PIANP: variants seen among roughly 807,000 people sequenced by gnomAD.
The protein encoded by PIANP is PILR alpha-associated neural protein.
Under a neutral mutation model 28.9 loss-of-function variants are expected in PIANP, and 14 were observed. The observed-to-expected ratio is 0.49, with a 90% CI of 0.32 to 0.76. PIANP has a LOEUF of 0.76. Ranked by LOEUF, PIANP falls within the 30% of genes least tolerant of loss-of-function variation. The pLI is 0.03. For missense variants in PIANP, 322 were observed against 371.8 expected (o/e 0.87, Z 1.10); for synonymous variants, 149 against 156.6 (o/e 0.95, Z 0.36).
chr12:6,694,800 A>G lies in PIANP; in HGVS notation c.*626T>C. On this transcript the variant is annotated 3_prime_UTR_variant, in exon 5 of 5. Coordinates refer to ENST00000534837, the MANE Select transcript of PIANP (RefSeq NM_001244014.2). The surrounding 1 kb of genome is among the most constrained non-coding windows in gnomAD (Gnocchi z 6.1). ...GGTGAGTGTGCAAGGCTTTCATGTG[A>G]GTGCACAAGGGTGGGGACAGGGACC... 2.0e-6 allele frequency: 1 copy of G among 494,138 alleles called. No individual in the cohort carries two copies. The highest frequency in any genetic ancestry group is 3.6e-6 in the Non-Finnish European group (1 of 275,994). 30.6% of individuals were successfully genotyped at this position (494,138 alleles called of 1,614,324 possible). A position where few individuals can be genotyped will look rare whatever the true frequency, so the allele number is the denominator to read the frequency against.
chr12:6,695,726 C>T lies in PIANP; in HGVS notation c.606-75G>A. 3.6e-6 allele frequency: 5 copies of T among 1,372,966 alleles called. No individual in the cohort carries two copies. Among genetic ancestry groups the T allele is most frequent in the Non-Finnish European group, 4.7e-6 (5 of 1,056,942 alleles). 85.0% of individuals were successfully genotyped at this position (1,372,966 alleles called of 1,614,324 possible). On this transcript the variant is annotated intron_variant, in intron 4 of 4. Transcript: ENST00000534837. This position sits in a 1 kb window ranked among gnomAD's most constrained non-coding sequence, Gnocchi z 4.2. ...ATCCTGGGCCTGCACCAGTGGTCAC[C>T]CCCAGCCTCGCCCAGTCACTCCCAA...
At chr12:6,698,550 C>T (rs760371403) in intron 1 of PIANP, 2 of 167,546 alleles carry the variant, frequency 1.2e-5, no homozygotes, top group Admixed American at 6.0e-5. Flanking sequence ...GCCCTTCCAG[C>T]CCTCCCAGCC....
At chr12:6,699,469 G>T (rs1448420130) in intron 1 of PIANP, among the ~76,000 whole-genome samples, 1 of 152,006 alleles carries the variant, frequency 6.6e-6, no homozygotes, top group African/African-American at 2.4e-5. Flanking sequence ...CTGAAAAAGA[G>T]AGAACTGGGA....
At chr12:6,692,351 T>A (rs1472683856), downstream of PIANP, among the ~76,000 whole-genome samples, 8 of 152,238 alleles carry the variant, frequency 5.3e-5, no homozygotes, top group South Asian at 8.3e-4. Context: ...TTGCTGAAGG[T>A]GAGAGCCCAG....
At position 6,695,133 on chromosome 12, in the gene PIANP, A is replaced by G. The variant is rs1009707213; in HGVS notation, c.*293T>C. 11 of 1,522,374 alleles carry G rather than the reference A, an allele frequency of 7.2e-6. No homozygotes were observed. In the Admixed American group the frequency reaches 2.0e-4, roughly 27 times the overall value. 94.3% of individuals were successfully genotyped at this position (1,522,374 alleles called of 1,614,324 possible). On this transcript the variant is annotated 3_prime_UTR_variant, in exon 5 of 5. Coordinates refer to ENST00000534837, the MANE Select transcript of PIANP (RefSeq NM_001244014.2). This position sits in a 1 kb window ranked among gnomAD's most constrained non-coding sequence, Gnocchi z 4.2. ...ATAGAAGGGGAAGTTCAAGACAAAG[A>G]GGGGGAATCAAGGTTAAGAGGGCAG... is the stretch of plus-strand genomic sequence containing the variant.
At chr12:6,699,054 G>C (rs1482742748) in intron 1 of PIANP, among the ~76,000 whole-genome samples, 1 of 152,128 alleles carries the variant, frequency 6.6e-6, no homozygotes, top group African/African-American at 2.4e-5. Flanking sequence ...GACTAGCTTG[G>C]CCAACATAGT....
In PIANP at chr12:6,695,028, TGGG is replaced by T. The variant is rs753056680; in HGVS notation, c.*395_*397del. ...CTCCTGCTTGGCTGCACCCCAACAT[TGGG>T]GGCATCACAGATTCACCAGGGGAAT... is the stretch of plus-strand genomic sequence containing the variant. On this transcript the variant is annotated 3_prime_UTR_variant, in exon 5 of 5. Coordinates refer to ENST00000534837, the MANE Select transcript of PIANP (RefSeq NM_001244014.2). The surrounding 1 kb of genome is among the most constrained non-coding windows in gnomAD (Gnocchi z 4.2). The T allele has an allele frequency of 2.6e-6, 4 of 1,563,492 alleles. No individual in the cohort carries two copies. Among genetic ancestry groups the T allele is most frequent in the South Asian group, 1.2e-5 (1 of 84,602 alleles).
chr12:6,698,153 C>A, intron 1 of PIANP, 49 bp from the exon 2 acceptor site: 1 of 1,406,496 alleles, frequency 7.1e-7, no homozygotes, highest in South Asian at 1.2e-5. Context: ...CTGTGTACTT[C>A]CCCAGCTAAT....
chr12:6,695,783 G>T lies in PIANP; in HGVS notation c.606-132C>A. 1 of 1,067,574 alleles carries T rather than the reference G, an allele frequency of 9.4e-7. No homozygotes were observed. 66.1% of individuals were successfully genotyped at this position (1,067,574 alleles called of 1,614,324 possible). On this transcript the variant is annotated intron_variant, in intron 4 of 4. Transcript: ENST00000534837. This position sits in a 1 kb window ranked among gnomAD's most constrained non-coding sequence, Gnocchi z 4.2. ...ATAGCAGAGAAACTGGCCTTTAACA[G>T]TTCTCTCTACTAAATCCCCTGGGAC...
In PIANP at chr12:6,697,168, C is replaced by T. The variant is rs1283759416; in HGVS notation, c.523+119G>A. On this transcript the variant is annotated intron_variant, in intron 3 of 4. Transcript: ENST00000534837. This position sits in a 1 kb window ranked among gnomAD's most constrained non-coding sequence, Gnocchi z 6.9. ...GTGTCTTTATCTCTGCATCCTGTGC[C>T]AGTATAGTGCCTGACACATTTGTTG... The T allele has an allele frequency of 1.4e-6, 2 of 1,402,068 alleles. No individual in the cohort carries two copies. Among genetic ancestry groups the T allele is most frequent in the African/African-American group, 1.5e-5 (1 of 68,296 alleles). The allele number at this position is 1,402,068 out of a possible 1,614,324, so 86.9% of individuals were successfully genotyped here.
Position 6,695,012 on chromosome 12 carries a change from G to T in PIANP, c.*414C>A, listed in dbSNP as rs1176351640. 2 of 1,554,066 alleles carry T rather than the reference G, an allele frequency of 1.3e-6. No individual in the cohort carries two copies. Among genetic ancestry groups the T allele is most frequent in the East Asian group, 2.4e-5 (1 of 41,476 alleles). Reference sequence around the variant, plus strand: ...GTGCCGGCCCCTTGGCCTCCTGCTTGGCTGCACCCCAACATTGGGGGCATC... The same window carrying T: ...GTGCCGGCCCCTTGGCCTCCTGCTTTGCTGCACCCCAACATTGGGGGCATC... On this transcript the variant is annotated 3_prime_UTR_variant, in exon 5 of 5. Transcript: ENST00000534837. The surrounding 1 kb of genome is among the most constrained non-coding windows in gnomAD (Gnocchi z 4.2).
chr12:6,697,666 G>C lies in PIANP; in HGVS notation c.144C>G (p.Ala48=), dbSNP rs947923600. 6.4e-7 allele frequency: 1 copy of C among 1,556,948 alleles called. No individual in the cohort carries two copies. Among genetic ancestry groups the C allele is most frequent in the African/African-American group, 1.4e-5 (1 of 73,526 alleles). Reference sequence around the variant, plus strand: ...GACGTGGGGCCGAGGGGCCTCCCCTGGCACACGGGGGGCGGGCTGGGGCTG... The same window carrying C: ...GACGTGGGGCCGAGGGGCCTCCCCTCGCACACGGGGGGCGGGCTGGGGCTG... The part of the protein sequence containing the change: ...TPPAPARPPC[A]RGGPSAPRHV... The change falls in exon 3 of 5, where the codon GCC becomes GCG. Residue 48 remains alanine (A), a synonymous_variant. Transcript: ENST00000534837. The surrounding 1 kb of genome is among the most constrained non-coding windows in gnomAD (Gnocchi z 6.9).
In PIANP at chr12:6,698,119, G is replaced by A. The variant is rs1230857573; in HGVS notation, c.-43-15C>T. The A allele has an allele frequency of 2.6e-6, 4 of 1,536,198 alleles. No individual in the cohort carries two copies. The African/African-American group carries it at 4.1e-5, about 16-fold the overall frequency. ...TTCAGCCTTTACTGGGAGAAAAAGG[G>A]GGCCGTCACACCCCAGCCCTGCCCT... On this transcript the variant is annotated splice_polypyrimidine_tract_variant and intron_variant, in intron 1 of 4. Coordinates refer to ENST00000534837, the MANE Select transcript of PIANP (RefSeq NM_001244014.2).
chr12:6,698,352 T>C, intron 1 of PIANP: 1 of 535,970 alleles, frequency 1.9e-6, no homozygotes, highest in Non-Finnish European at 3.3e-6. Context: ...GGGTCTACTC[T>C]GGCTTCTCTG....
rs1959843988 is a variant in PIANP at position 6,695,762 on chromosome 12, CA to C, written c.606-112del. On this transcript the variant is annotated intron_variant, in intron 4 of 4. Coordinates refer to ENST00000534837, the MANE Select transcript of PIANP (RefSeq NM_001244014.2). This position sits in a 1 kb window ranked among gnomAD's most constrained non-coding sequence, Gnocchi z 4.2. ...CCCAGTCACTCCCAACATCTTATAGCAGAGAAACTGGCCTTTAACAGTTCTC... is the reference window on the plus strand; with the variant it reads ...CCCAGTCACTCCCAACATCTTATAGCGAGAAACTGGCCTTTAACAGTTCTC... The C allele has an allele frequency of 1.7e-5, 21 of 1,229,294 alleles. No individual in the cohort carries two copies. The Admixed American group carries it at 6.6e-4, about 39-fold the overall frequency. The allele number at this position is 1,229,294 out of a possible 1,614,324, so 76.1% of individuals were successfully genotyped here.
rs1959817696 is a variant in PIANP, at chr12:6,695,279, G to A, written c.*147C>T. 1 of 1,408,854 alleles carries A rather than the reference G, an allele frequency of 7.1e-7. No individual in the cohort carries two copies. The highest frequency in any genetic ancestry group is 3.0e-5 in the Admixed American group (1 of 33,532). 87.3% of individuals were successfully genotyped at this position (1,408,854 alleles called of 1,614,324 possible). ...GAGAAGGAAGGGTGCCTCCCAGAGA[G>A]GAGCTGGTCCAGCCCCCTTGGGAGG... is the stretch of plus-strand genomic sequence containing the variant. On this transcript the variant is annotated 3_prime_UTR_variant, in exon 5 of 5. Coordinates refer to ENST00000534837, the MANE Select transcript of PIANP (RefSeq NM_001244014.2). This position sits in a 1 kb window ranked among gnomAD's most constrained non-coding sequence, Gnocchi z 4.2.
rs952084363 is a variant in PIANP at position 6,694,226 on chromosome 12, A to C, written c.*1200T>G. The stretch of plus-strand genomic sequence containing the variant: ...ACAGACAGCCAGGACAGACAAGACA[A>C]AAGGGACTGTAGGAGAAAGGGAAGG... On this transcript the variant is annotated 3_prime_UTR_variant, in exon 5 of 5. Coordinates refer to ENST00000534837, the MANE Select transcript of PIANP (RefSeq NM_001244014.2). The surrounding 1 kb of genome is among the most constrained non-coding windows in gnomAD (Gnocchi z 6.1). 4 of 153,538 alleles carry C rather than the reference A, an allele frequency of 2.6e-5. No individual in the cohort carries two copies. Among genetic ancestry groups the C allele is most frequent in the Non-Finnish European group, 4.4e-5 (3 of 68,190 alleles). The allele number at this position is 153,538 out of a possible 1,614,324, so 9.5% of individuals were successfully genotyped here.
chr12:6,692,936 C>T (rs1042589149), downstream of PIANP, among the ~76,000 whole-genome samples: 2 of 152,150 alleles, frequency 1.3e-5, no homozygotes, highest in African/African-American at 4.8e-5. Flanking sequence ...CAGTCCAGAG[C>T]AGCCCAGGCC....
In PIANP at chr12:6,697,016, A is replaced by G. The variant is rs562687375; in HGVS notation, c.523+271T>C. ...GAAGGTGTCCTGATCCCCAAGCAGG[A>G]GGAGACTCTCACTTCTCTTTTTTTG... On this transcript the variant is annotated intron_variant, in intron 3 of 4. Transcript: ENST00000534837. The surrounding 1 kb of genome is among the most constrained non-coding windows in gnomAD (Gnocchi z 6.9). Among the ~76,000 whole-genome samples the G allele has an allele frequency of 6.6e-6, 1 of 152,286 alleles. No homozygotes were observed. Among genetic ancestry groups the G allele is most frequent in the South Asian group, 2.1e-4 (1 of 4,826 alleles).
Sources: allele counts gnomAD v4.1 joint callset (sites outside exome capture counted in the v4.1 genomes callset), GRCh38; gene constraint gnomAD v4.1.1; non-coding constraint Gnocchi (gnomAD v3.1); transcripts MANE v1.5; gene names NCBI Gene and HGNC (gene_info 2026-07-23, HGNC 2026-07-21).